KIF23: variants seen among roughly 807,000 people sequenced by gnomAD.
KIF23 encodes the protein kinesin-like protein KIF23.
A neutral mutation model predicts 137.5 loss-of-function variants in KIF23; 30 were observed. That is an observed-to-expected ratio of 0.22 (90% confidence interval 0.16 to 0.30). The LOEUF (loss-of-function observed/expected upper bound fraction) is 0.30, where lower values mean the gene tolerates loss of function less well. Among genes scored for constraint, KIF23 ranks in the 10% least tolerant of loss-of-function variants. The probability of loss-of-function intolerance (pLI) is 1.00; values close to 1 mark genes in which losing one functional copy is unlikely to be tolerated. For synonymous variants in KIF23, 367 were observed against 391.1 expected (o/e 0.94, Z 0.73); for missense variants, 920 against 1,194.3 (o/e 0.77, Z 3.38).
intron 3 of KIF23, among the ~76,000 whole-genome samples, chr15:69,417,799 G>T (rs1392029755): frequency 6.6e-6 from 1 of 152,148 alleles, no homozygotes; most frequent in East Asian, 1.9e-4. Flanking sequence ...ATACATGATT[G>T]TGCTAGGCAG....
chr15:69,414,534 C>CT, intron 1 of KIF23, 58 bp downstream of exon 1: 1 of 1,514,062 alleles, frequency 6.6e-7, no homozygotes, highest in Admixed American at 2.1e-5. Context: ...GGCCTCGGGG[C>CT]TGGGGGCAGG....
At position 69,416,024 on chromosome 15, in the gene KIF23, GA is replaced by G; in HGVS notation, c.48del (p.Ser18ProfsTer27). 15 of 1,578,172 alleles carry G rather than the reference GA, an allele frequency of 9.5e-6. No homozygotes were observed. In the Admixed American group the frequency reaches 1.2e-4, roughly 13 times the overall value. On this transcript the variant is annotated frameshift_variant, in exon 2 of 24. Coordinates refer to ENST00000679126, the MANE Select transcript of KIF23 (RefSeq NM_001367805.3). LOFTEE classifies it high-confidence loss of function. Reference sequence around the variant, plus strand: ...CTAAGACACCCCGGAAACCTACCGTGAAAAAAGGGTCCCAAACGAACCTTAA... The same window carrying G: ...CTAAGACACCCCGGAAACCTACCGTGAAAAAGGGTCCCAAACGAACCTTAA... ...RAKTPRKPTVKKGSQTNLKDP... is the reference protein window; with the variant it reads ...RAKTPRKPTVXKGSQTNLKDP...
At chr15:69,435,461 T>C in intron 11 of KIF23, 22 bp from the exon 12 acceptor site, 3 of 1,586,480 alleles carry the variant, frequency 1.9e-6, no homozygotes, top group Non-Finnish European at 2.6e-6. Flanking sequence ...TGAAATGGCG[T>C]CTATGTATTT....
chr15:69,442,613 G>T (rs2057648107), intron 19 of KIF23, among the ~76,000 whole-genome samples: 1 of 152,190 alleles, frequency 6.6e-6, no homozygotes, highest in Non-Finnish European at 1.5e-5. Context: ...TTACTTTGCA[G>T]ATTTTTCCTT....
At chr15:69,434,576 A>G (rs1381128300) in intron 11 of KIF23, 2 of 1,142,240 alleles carry the variant, frequency 1.8e-6, no homozygotes, top group African/African-American at 3.0e-5. Context: ...CCTGGTCAAG[A>G]TAACATCTCC....
chr15:69,440,436 G>GCGAGAT lies in KIF23; in HGVS notation c.2064_2069dup (p.Asp688_Arg689dup). On this transcript the variant is annotated inframe_insertion, in exon 18 of 24. Transcript: ENST00000679126. ...AGAAGCCAGAGAGACCCTCTCGGGA[G>GCGAGAT]CGAGATCGAGAAAAAGTTACTCAAA... 6.2e-7 allele frequency: 1 copy of GCGAGAT among 1,613,406 alleles called. No individual in the cohort carries two copies. Among genetic ancestry groups the GCGAGAT allele is most frequent in the African/African-American group, 1.3e-5 (1 of 75,012 alleles).
intron 16 of KIF23, among the ~76,000 whole-genome samples, 160 bp from the exon 17 acceptor site, chr15:69,439,744 T>C (rs759359532): frequency 4.6e-5 from 7 of 152,186 alleles, no homozygotes; most frequent in Non-Finnish European, 7.4e-5. Flanking sequence ...TTTCTGAGAA[T>C]GGGGGTGGGA....
chr15:69,422,159 C>G (rs1160751792), intron 5 of KIF23, 31 bp downstream of exon 5: 1 of 1,609,100 alleles, frequency 6.2e-7, no homozygotes, highest in South Asian at 1.1e-5. Flanking sequence ...TTGTGACTAT[C>G]TTACTGGACT....
In KIF23 at chr15:69,434,405, A is replaced by G; in HGVS notation, c.1115-1078A>G. Reference sequence around the variant, plus strand: ...TTCTTATTAAAGGATTGCGACATTTAATAGCCGTTGCTTGCTTTTGTCTTT... The same window carrying G: ...TTCTTATTAAAGGATTGCGACATTTGATAGCCGTTGCTTGCTTTTGTCTTT... On this transcript the variant is annotated intron_variant, in intron 11 of 23. Transcript: ENST00000679126. 8.3e-6 allele frequency: 3 copies of G among 361,266 alleles called. 1 individual carries two copies. The South Asian group carries it at 1.3e-4, about 16-fold the overall frequency. 22.4% of individuals were successfully genotyped at this position (361,266 alleles called of 1,614,324 possible).
chr15:69,445,558 A>AG (rs1045535126), intron 20 of KIF23, among the ~76,000 whole-genome samples: 1 of 151,616 alleles, frequency 6.6e-6, no homozygotes, highest in African/African-American at 2.4e-5. Flanking sequence ...ACCAAAAAAA[A>AG]AAAAAGCTTT....
intron 11 of KIF23, among the ~76,000 whole-genome samples, chr15:69,429,791 C>T (rs1264298563): frequency 6.6e-6 from 1 of 152,118 alleles, no homozygotes; most frequent in Non-Finnish European, 1.5e-5. Flanking sequence ...GAGGCCAAGG[C>T]ATGTGGATCA....
intron 19 of KIF23, among the ~76,000 whole-genome samples, chr15:69,442,654 G>A (rs1046827954): frequency 6.6e-6 from 1 of 152,158 alleles, no homozygotes; most frequent in Admixed American, 6.5e-5. Context: ...TTAGGTAAAT[G>A]GTCATTCTGA....
chr15:69,436,840 C>T (rs2057495631), intron 15 of KIF23, 118 bp downstream of exon 15: 3 of 565,726 alleles, frequency 5.3e-6, no homozygotes, highest in South Asian at 3.9e-5. Context: ...CTGCAACCTC[C>T]GCCTCCTGGG....
At chr15:69,427,186 G>C (rs906177307) in intron 10 of KIF23, among the ~76,000 whole-genome samples, 2 of 152,032 alleles carry the variant, frequency 1.3e-5, no homozygotes, top group Non-Finnish European at 2.9e-5. Context: ...TGTATGGGAG[G>C]ATGTGCATAG....
chr15:69,414,623 A>G (rs1011305640), intron 1 of KIF23, 147 bp downstream of exon 1: 45 of 879,472 alleles, frequency 5.1e-5, no homozygotes, highest in Non-Finnish European at 6.8e-5. Context: ...GCGACCCCAA[A>G]GTGGGAACCT....
intron 22 of KIF23, 160 bp from the exon 23 acceptor site, chr15:69,446,711 C>A: frequency 1.4e-6 from 1 of 716,746 alleles, no homozygotes. Context: ...GTGGCCTGTG[C>A]CAGAAATAAA....
At chr15:69,436,789 CTG>C (rs778298041) in intron 15 of KIF23, 67 bp downstream of exon 15, 1 of 1,080,794 alleles carries the variant, frequency 9.3e-7, no homozygotes, top group Non-Finnish European at 1.3e-6. Flanking sequence ...TAGTTTCACT[CTG>C]TACCCCAGGG....
chr15:69,414,427 G>A lies in KIF23; in HGVS notation c.-39G>A. ...GTCCCGCAGTCTTCGCCAGCCAGCC[G>A]TCCCGCATGCGCGTTTGGGCGGCGT... On this transcript the variant is annotated 5_prime_UTR_variant, in exon 1 of 24. Coordinates refer to ENST00000679126, the MANE Select transcript of KIF23 (RefSeq NM_001367805.3). 1 of 1,576,546 alleles carries A rather than the reference G, an allele frequency of 6.3e-7. No individual in the cohort carries two copies. Among genetic ancestry groups the A allele is most frequent in the African/African-American group, 1.3e-5 (1 of 74,310 alleles).
intron 3 of KIF23, among the ~76,000 whole-genome samples, 181 bp downstream of exon 3, chr15:69,417,692 T>C (rs987069852): frequency 6.6e-6 from 1 of 152,256 alleles, no homozygotes; most frequent in Admixed American, 6.5e-5. Context: ...ATACCTTTGG[T>C]ATGCTGGGGT....
Sources: gnomAD v4.1 joint callset for allele counts (sites outside exome capture counted in the v4.1 genomes callset) on GRCh38, gnomAD v4.1.1 for gene constraint, MANE v1.5 for transcripts, NCBI Gene and HGNC (gene_info 2026-07-23, HGNC 2026-07-21) for gene names.